Variants in SPATS2L observed in about 807,000 individuals in gnomAD.
SPATS2L encodes SPATS2-like protein.
Under a neutral mutation model 59.6 loss-of-function variants are expected in SPATS2L, and 30 were observed. The ratio of observed to expected loss-of-function variants is 0.50; its 90% CI spans 0.38 to 0.68. SPATS2L has a LOEUF of 0.68. Ranked by LOEUF, SPATS2L falls within the 30% of genes least tolerant of loss-of-function variation. The pLI is 0.00. For missense variants in SPATS2L, 615 were observed against 700.0 expected, an observed-to-expected ratio of 0.88 and a Z score of 1.37; for synonymous variants, 252 against 263.5, an observed-to-expected ratio of 0.96 and a Z score of 0.42.
intron 6 of SPATS2L, among the ~76,000 whole-genome samples, chr2:200,433,361 C>T (rs2084067725): frequency 6.6e-6 from 1 of 152,074 alleles, no homozygotes; most frequent in Admixed American, 6.5e-5. Context: ...ACACACCCAA[C>T]AATTTCAAGA....
At chr2:200,394,473 G>A (rs951863881) in intron 3 of SPATS2L, among the ~76,000 whole-genome samples, 2 of 152,146 alleles carry the variant, frequency 1.3e-5, no homozygotes, top group Non-Finnish European at 2.9e-5. Flanking sequence ...GTTAGTTGTG[G>A]CTCTGTCTCC....
At chr2:200,382,389 C>A (rs563800980) in intron 2 of SPATS2L, among the ~76,000 whole-genome samples, 1 of 152,302 alleles carries the variant, frequency 6.6e-6, no homozygotes, top group South Asian at 2.1e-4. Flanking sequence ...ATAGCCATTT[C>A]TTTGAAACAA....
chr2:200,447,907 TA>T (rs2085156520), intron 8 of SPATS2L, among the ~76,000 whole-genome samples: 2 of 152,204 alleles, frequency 1.3e-5, no homozygotes, highest in South Asian at 4.1e-4. Flanking sequence ...GTTAATTCCT[TA>T]GATTAAACAA....
intron 6 of SPATS2L, 121 bp from the exon 7 acceptor site, chr2:200,439,001 G>A (rs1033911718): frequency 4.2e-6 from 3 of 712,956 alleles, no homozygotes; most frequent in African/African-American, 1.8e-5. Context: ...TTGACTGTTT[G>A]CAATGAAAGG....
chr2:200,402,972 C>G (rs778050444), intron 3 of SPATS2L, among the ~76,000 whole-genome samples: 6 of 152,144 alleles, frequency 3.9e-5, no homozygotes, highest in Non-Finnish European at 5.9e-5. Flanking sequence ...AGTGATATGT[C>G]AGAACTTACA....
At chr2:200,405,612 T>C (rs577971423) in intron 3 of SPATS2L, among the ~76,000 whole-genome samples, 1 of 152,062 alleles carries the variant, frequency 6.6e-6, no homozygotes, top group South Asian at 2.1e-4. Context: ...GTGTAGATAA[T>C]ATTAGTGGCC....
intron 2 of SPATS2L, among the ~76,000 whole-genome samples, chr2:200,340,605 G>C (rs1269332030): frequency 6.6e-6 from 1 of 152,106 alleles, no homozygotes; most frequent in African/African-American, 2.4e-5. Context: ...GAGGGCTGTG[G>C]AGAGGCACAG....
At position 200,345,469 on chromosome 2, in the gene SPATS2L, ACTACT is replaced by A. The variant is rs148595115; in HGVS notation, c.-23+15993_-23+15997del. ...GTGTGCTGTGATTTTGAAAACACTG[ACTACT>A]CTATAGTACATTTGATTTAGCAGAG... is the stretch of plus-strand genomic sequence containing the variant. On this transcript the variant is annotated intron_variant, in intron 2 of 12. Coordinates refer to ENST00000409140, the MANE Select transcript of SPATS2L (RefSeq NM_001100423.2). 3.6e-3 allele frequency among the ~76,000 whole-genome samples: 554 copies of A among 152,018 alleles called. 5 individuals are homozygous for A. Among genetic ancestry groups the A allele is most frequent in the African/African-American group, 0.013 (520 of 41,548 alleles).
In SPATS2L at chr2:200,451,832, C is replaced by CTT. The variant is rs143607567; in HGVS notation, c.789-7934_789-7933dup. Among the ~76,000 whole-genome samples, 411 of 148,510 alleles carry CTT rather than the reference C, an allele frequency of 2.8e-3. 1 individual carries two copies. The highest frequency in any genetic ancestry group is 5.4e-3 in the African/African-American group (220 of 40,636). ...CCTTGCCCCCACCGTTTTCTTTTTTCTTTTCTTTTTTTGGAAGGAAATACA... is the reference window on the plus strand; with the variant it reads ...CCTTGCCCCCACCGTTTTCTTTTTTCTTTTTTCTTTTTTTGGAAGGAAATACA... On this transcript the variant is annotated intron_variant, in intron 8 of 12. Transcript: ENST00000409140.
chr2:200,343,876 A>G (rs569319703), intron 2 of SPATS2L, among the ~76,000 whole-genome samples: 3 of 152,246 alleles, frequency 2.0e-5, no homozygotes, highest in East Asian at 3.9e-4. Context: ...TAATATATGT[A>G]TATATTCTTA....
At chr2:200,319,894 T>C (rs2079508351) in intron 1 of SPATS2L, among the ~76,000 whole-genome samples, 1 of 152,244 alleles carries the variant, frequency 6.6e-6, no homozygotes, top group Non-Finnish European at 1.5e-5. Flanking sequence ...TTGTCTCTTT[T>C]TGTTAAATTA....
intron 1 of SPATS2L, among the ~76,000 whole-genome samples, chr2:200,312,288 C>A (rs56280308): frequency 2.4e-4 from 37 of 152,276 alleles, no homozygotes; most frequent in Non-Finnish European, 3.8e-4. Context: ...AGGTGCACCC[C>A]AGATTGTGGT....
At chr2:200,441,141 C>T (rs1008826228) in intron 8 of SPATS2L, among the ~76,000 whole-genome samples, 2 of 152,006 alleles carry the variant, frequency 1.3e-5, no homozygotes, top group Non-Finnish European at 2.9e-5. Context: ...AAATATTTTC[C>T]AGCACTATAA....
At chr2:200,464,543 C>T (rs1274792131) in intron 9 of SPATS2L, among the ~76,000 whole-genome samples, 1 of 152,148 alleles carries the variant, frequency 6.6e-6, no homozygotes, top group Non-Finnish European at 1.5e-5. Flanking sequence ...ACAAATGATC[C>T]ATGAAGAAAA....
intron 2 of SPATS2L, among the ~76,000 whole-genome samples, chr2:200,364,153 A>G (rs1050865985): frequency 2.6e-5 from 4 of 152,178 alleles, no homozygotes; most frequent in African/African-American, 9.7e-5. Flanking sequence ...AGAAAGGGCA[A>G]GGAAACAGAT....
chr2:200,391,888 C>A (rs1340108093), intron 3 of SPATS2L, among the ~76,000 whole-genome samples: 1 of 152,114 alleles, frequency 6.6e-6, no homozygotes, highest in African/African-American at 2.4e-5. Context: ...AATGTGTTAC[C>A]CCAAGTCTCT....
intron 3 of SPATS2L, among the ~76,000 whole-genome samples, chr2:200,406,389 C>G (rs2082687683): frequency 6.6e-6 from 1 of 151,150 alleles, no homozygotes; most frequent in African/African-American, 2.4e-5. Flanking sequence ...AAATGAAACC[C>G]TCTCAAACTA....
At position 200,322,035 on chromosome 2, in the gene SPATS2L, G is replaced by A. The variant is rs2079576686; in HGVS notation, c.-72-7396G>A. ...TTGCAGAATGAATAGTTAGCATTGT[G>A]CCTTCTACAAAATGTCACTTGGTGC... is the stretch of plus-strand genomic sequence containing the variant. On this transcript the variant is annotated intron_variant, in intron 1 of 12. Transcript: ENST00000409140. 1.3e-5 allele frequency among the ~76,000 whole-genome samples: 2 copies of A among 152,170 alleles called. 1 individual carries two copies. Among genetic ancestry groups the A allele is most frequent in the Admixed American group, 1.3e-4 (2 of 15,280 alleles).
chr2:200,308,624 TACACAC>T (rs35193445), intron 1 of SPATS2L, among the ~76,000 whole-genome samples: 1 of 149,406 alleles, frequency 6.7e-6, no homozygotes, highest in Admixed American at 6.7e-5. Flanking sequence ...TGGCTTTAAA[TACACAC>T]ACACACACAC....
Sources: allele counts gnomAD v4.1 joint callset (sites outside exome capture counted in the v4.1 genomes callset), GRCh38; gene constraint gnomAD v4.1.1; transcripts MANE v1.5; gene names NCBI Gene and HGNC (gene_info 2026-07-23, HGNC 2026-07-21).